ACTN3: variants seen among roughly 807,000 people sequenced by gnomAD.
ACTN3 encodes actinin alpha 3.
ACTN3 carries 91 observed loss-of-function variants against 119.6 expected under a neutral mutation model. The observed-to-expected ratio is 0.76, with a 90% CI of 0.64 to 0.91. The LOEUF (loss-of-function observed/expected upper bound fraction) is 0.91. Ranked by LOEUF, ACTN3 falls within the 40% of genes least tolerant of loss-of-function variation. ACTN3 has a pLI of 0.00. For missense variants in ACTN3, 1,221 were observed against 1,215.1 expected (o/e 1.00, Z -0.07); for synonymous variants, 456 against 478.8 (o/e 0.95, Z 0.62).
At position 66,557,717 on chromosome 11, in the gene ACTN3, C is replaced by T. The variant is rs375241946; in HGVS notation, c.916C>T (p.Arg306Cys). The T allele has an allele frequency of 1.4e-5, 22 of 1,612,036 alleles. No individual in the cohort carries two copies. Among genetic ancestry groups the T allele is most frequent in the Middle Eastern group, 1.6e-4 (1 of 6,078 alleles). Residue 306 changes from arginine (R) to cysteine (C), a missense_variant, in exon 10 of 21, where the codon CGC becomes TGC. Arg to Cys is a radical substitution (Grantham distance 180). Coordinates refer to ENST00000513398, the MANE Select transcript of ACTN3 (RefSeq NM_001104.4). ...LASELLEWIR[R>C]TVPWLENRVG... is the part of the protein sequence containing the mutation. ...CTGTCAGCTGCTGGAGTGGATCCGCCGCACTGTCCCATGGCTGGAGAACCG... is the reference window on the plus strand; with the variant it reads ...CTGTCAGCTGCTGGAGTGGATCCGCTGCACTGTCCCATGGCTGGAGAACCG...
Position 66,554,101 on chromosome 11 carries a change from C to T in ACTN3, c.439C>T (p.Arg147Cys), listed in dbSNP as rs370463721. The T allele has an allele frequency of 1.9e-5, 31 of 1,613,680 alleles. No individual in the cohort carries two copies. The African/African-American group carries it at 2.5e-4, about 13-fold the overall frequency. ...TLGMIWTIILRFAIQDISVEE... is the reference protein window; with the variant it reads ...TLGMIWTIILCFAIQDISVEE... ...GGGCATGATCTGGACCATCATCCTT[C>T]GCTTCGCCATCCAGGACATCTCTGT... The change falls in exon 4 of 21, where the codon CGC becomes TGC. Residue 147 changes from arginine to cysteine, a missense_variant. This residue lies in a region of ACTN3 where 239 missense variants were observed against 231.8 expected (regional missense o/e 1.03). Transcript: ENST00000513398.
At chr11:66,556,320 A>T (rs1244398287) in intron 8 of ACTN3, 90 bp downstream of exon 8, 3 of 1,290,588 alleles carry the variant, frequency 2.3e-6, no homozygotes, top group Non-Finnish European at 3.3e-6. Flanking sequence ...CAGACCACGG[A>T]GGTTGGAGTG....
chr11:66,546,746 C>A (rs143162807), upstream of ACTN3: 5 of 1,535,616 alleles, frequency 3.3e-6, no homozygotes, highest in South Asian at 3.6e-5. Flanking sequence ...CCGGCGCCCC[C>A]GAGTCCCGCA....
At chr11:66,556,385 T>G (rs553428166) in intron 8 of ACTN3, 155 bp downstream of exon 8, 1 of 213,986 alleles carries the variant, frequency 4.7e-6, no homozygotes, top group South Asian at 1.7e-4. Flanking sequence ...GACCCTGGTT[T>G]GGAAACTCAC....
rs747335900 is a variant in ACTN3 at position 66,559,355 on chromosome 11, G to T, written c.1396G>T (p.Glu466Ter). 3.2e-6 allele frequency: 5 copies of T among 1,566,084 alleles called. No individual in the cohort carries two copies. The highest frequency in any genetic ancestry group is 4.3e-6 in the Non-Finnish European group (5 of 1,160,458). ...SDLAAHQDRV[E>*]HIAALAQELN... ...CCTGGCGGCGCACCAGGACCGCGTGGAGCACATTGCCGCGCTGGCCCAGGA... is the reference window on the plus strand; with the variant it reads ...CCTGGCGGCGCACCAGGACCGCGTGTAGCACATTGCCGCGCTGGCCCAGGA... The change falls in exon 12 of 21, where the codon GAG becomes TAG. Residue 466 changes from glutamate to a stop codon, truncating the protein, a stop_gained. Transcript: ENST00000513398. LOFTEE classifies it high-confidence loss of function.
rs777094184 is a variant in ACTN3, at chr11:66,554,078, G to C, written c.416G>C (p.Gly139Ala). 4 of 1,613,756 alleles carry C rather than the reference G, an allele frequency of 2.5e-6. No homozygotes were observed. The change falls in exon 4 of 21, where the codon GGC (glycine) becomes GCC (alanine). Residue 139 changes from glycine (G) to alanine (A), a missense_variant. Around this residue, in one of 3 missense-constraint regions of ACTN3, gnomAD observed 239 missense variants for 231.8 expected, o/e 1.03. Coordinates refer to ENST00000513398, the MANE Select transcript of ACTN3 (RefSeq NM_001104.4). ...IVDGNLKMTLGMIWTIILRFA... is the reference protein window; with the variant it reads ...IVDGNLKMTLAMIWTIILRFA... The stretch of plus-strand genomic sequence containing the variant: ...GACGGGAACCTGAAGATGACCCTGG[G>C]CATGATCTGGACCATCATCCTTCGC...
In ACTN3 at chr11:66,561,295, G is replaced by A. The variant is rs768477820; in HGVS notation, c.1929G>A (p.Glu643=). 6 of 1,609,250 alleles carry A rather than the reference G, an allele frequency of 3.7e-6. No homozygotes were observed. The highest frequency in any genetic ancestry group is 5.1e-6 in the Non-Finnish European group (6 of 1,178,696). Residue 643 remains glutamate, a synonymous_variant, in exon 16 of 21, where the codon GAG becomes GAA. Coordinates refer to ENST00000513398, the MANE Select transcript of ACTN3 (RefSeq NM_001104.4). Reference sequence around the variant, plus strand: ...AGCTGGCACGGCAGCAGGTAAACGAGAGGCTCCGGCGACAGTTTGCGGCCC... The same window carrying A: ...AGCTGGCACGGCAGCAGGTAAACGAAAGGCTCCGGCGACAGTTTGCGGCCC... ...QEELARQQVN[E]RLRRQFAAQA... is the part of the protein sequence containing the mutation.
At chr11:66,547,732 A>G (rs1391077299) in intron 1 of ACTN3, among the ~76,000 whole-genome samples, 2 of 152,100 alleles carry the variant, frequency 1.3e-5, no homozygotes, top group Non-Finnish European at 2.9e-5. Flanking sequence ...TGAAAAGGCC[A>G]TAGGTCGGGG....
chr11:66,561,442 C>G lies in ACTN3; in HGVS notation c.1996-16C>G, dbSNP rs1289430627. ...AGGGAGTTGGGAGCCCTCATGCTGC[C>G]TGGGAACCCCTGCAGGAAGTGGGGC... On this transcript the variant is annotated splice_polypyrimidine_tract_variant and intron_variant, in intron 16 of 20. Coordinates refer to ENST00000513398, the MANE Select transcript of ACTN3 (RefSeq NM_001104.4). 1 of 1,599,490 alleles carries G rather than the reference C, an allele frequency of 6.3e-7. No homozygotes were observed. The highest frequency in any genetic ancestry group is 1.1e-5 in the South Asian group (1 of 88,860).
In ACTN3 at chr11:66,563,020, G is replaced by A. The variant is rs367695922; in HGVS notation, c.2548-15G>A. 3.1e-6 allele frequency: 5 copies of A among 1,608,864 alleles called. No homozygotes were observed. The highest frequency in any genetic ancestry group is 3.4e-6 in the Non-Finnish European group (4 of 1,176,734). On this transcript the variant is annotated splice_polypyrimidine_tract_variant and intron_variant, in intron 20 of 20. Transcript: ENST00000513398. ...GGCACGGGACCTGTGGGTCCTCAAC[G>A]CCTCTTCTCCCCAGAACTACATCAC... is the stretch of plus-strand genomic sequence containing the variant.
Position 66,551,557 on chromosome 11 carries a change from A to G in ACTN3, c.292A>G (p.Lys98Glu). The change falls in exon 3 of 21, where the codon AAG (lysine) becomes GAG (glutamate). Residue 98 changes from lysine to glutamate, a missense_variant. By Grantham distance (56) the Lys-to-Glu change is moderately conservative. Transcript: ENST00000513398. The part of the protein sequence containing the change: ...GERLPRPDKG[K>E]MRFHKIANVN... ...GAGGCTGCCTAGGCCAGATAAAGGC[A>G]AGATGCGCTTCCACAAAATCGCCAA... The G allele has an allele frequency of 6.2e-7, 1 of 1,614,120 alleles. No homozygotes were observed. The highest frequency in any genetic ancestry group is 8.5e-7 in the Non-Finnish European group (1 of 1,179,992).
intron 3 of ACTN3, among the ~76,000 whole-genome samples, chr11:66,552,048 C>T (rs567161010): frequency 1.7e-3 from 253 of 151,122 alleles, no homozygotes; most frequent in African/African-American, 5.8e-3. Context: ...TGCACTCCAG[C>T]CTGAGCAACA....
chr11:66,561,979 G>C, intron 17 of ACTN3, 43 bp from the exon 18 acceptor site: 1 of 1,564,330 alleles, frequency 6.4e-7, no homozygotes, highest in Non-Finnish European at 8.7e-7. Context: ...CAGTGGCCAG[G>C]CACTGGCCGC....
intron 8 of ACTN3, 119 bp downstream of exon 8, chr11:66,556,349 A>G: frequency 1.1e-6 from 1 of 918,814 alleles, no homozygotes. Context: ...CCAGCTGCAC[A>G]CACTCAGTCT....
Position 66,559,245 on chromosome 11 carries a change from A to AGG in ACTN3, c.1287_1288insGG (p.Met430GlyfsTer3). The AGG allele has an allele frequency of 6.5e-7, 1 of 1,546,056 alleles. No homozygotes were observed. The highest frequency in any genetic ancestry group is 8.7e-7 in the Non-Finnish European group (1 of 1,146,192). On this transcript the variant is annotated frameshift_variant, in exon 12 of 21. Transcript: ENST00000513398. LOFTEE classifies it high-confidence loss of function. ...GCATCTCTTTGAGCAGGAAAGGAGG[A>AGG]GATGCTGAGCCAGCGCGACTACGAT... is the stretch of plus-strand genomic sequence containing the variant.
intron 3 of ACTN3, among the ~76,000 whole-genome samples, chr11:66,552,908 A>G (rs1376008100): frequency 6.7e-6 from 1 of 149,750 alleles, no homozygotes; most frequent in Non-Finnish European, 1.5e-5. Context: ...ACACACACAC[A>G]CACAAAGAGA....
At chr11:66,547,132 C>A (rs75898802) in intron 1 of ACTN3, 48 bp downstream of exon 1, 53,078 of 1,453,542 alleles carry the variant, frequency 0.037, 1,150 homozygotes, top group Non-Finnish European at 0.043. Flanking sequence ...CCTGAGAGGC[C>A]GGGCTGTTTG....
Position 66,546,945 on chromosome 11 carries a change from T to C in ACTN3, c.8T>C (p.Met3Thr), listed in dbSNP as rs1857358559. The stretch of plus-strand genomic sequence containing the variant: ...GCCAGGAGCCCGATCGAGATGATGA[T>C]GGTTATGCAGCCCGAGGGTCTGGGG... MM[M>T]VMQPEGLGAG... The change falls in exon 1 of 21, where the codon ATG becomes ACG. Residue 3 changes from methionine to threonine, a missense_variant. Around this residue, in one of 3 missense-constraint regions of ACTN3, gnomAD observed 239 missense variants for 231.8 expected, o/e 1.03. Coordinates refer to ENST00000513398, the MANE Select transcript of ACTN3 (RefSeq NM_001104.4). 3 of 1,537,484 alleles carry C rather than the reference T, an allele frequency of 2.0e-6. No homozygotes were observed. The highest frequency in any genetic ancestry group is 2.6e-6 in the Non-Finnish European group (3 of 1,147,420).
chr11:66,563,022 C>T lies in ACTN3; in HGVS notation c.2548-13C>T. On this transcript the variant is annotated splice_polypyrimidine_tract_variant and intron_variant, in intron 20 of 20. Coordinates refer to ENST00000513398, the MANE Select transcript of ACTN3 (RefSeq NM_001104.4). ...CACGGGACCTGTGGGTCCTCAACGC[C>T]TCTTCTCCCCAGAACTACATCACCC... is the stretch of plus-strand genomic sequence containing the variant. 1 of 1,609,236 alleles carries T rather than the reference C, an allele frequency of 6.2e-7. No individual in the cohort carries two copies. The highest frequency in any genetic ancestry group is 1.1e-5 in the South Asian group (1 of 90,684).
Sources: allele counts gnomAD v4.1 joint callset (sites outside exome capture counted in the v4.1 genomes callset), GRCh38; gene constraint gnomAD v4.1.1; regional missense constraint gnomAD v4.1.1; transcripts MANE v1.5; gene names NCBI Gene and HGNC (gene_info 2026-07-23, HGNC 2026-07-21).